SOX6: variants seen among roughly 807,000 people sequenced by gnomAD.
The protein encoded by SOX6 is SRY-box transcription factor 6.
In SOX6, 11 loss-of-function variants were observed where a neutral mutation model predicts 97.8. That is an observed-to-expected ratio of 0.11 (90% CI 0.07 to 0.19). The LOEUF is 0.19. SOX6 is among the 10% of genes least tolerant of loss of function. The pLI is 1.00. For synonymous variants in SOX6, 360 were observed against 371.4 expected, an observed-to-expected ratio of 0.97 and a Z score of 0.35; for missense variants, 810 against 1,039.5, an observed-to-expected ratio of 0.78 and a Z score of 3.04.
At chr11:16,415,597 G>A (rs1858910328) in intron 1 of SOX6, among the ~76,000 whole-genome samples, 1 of 152,080 alleles carries the variant, frequency 6.6e-6, no homozygotes, top group African/African-American at 2.4e-5. Context: ...AAATATTTGA[G>A]GTGATGGATA....
intron 12 of SOX6, among the ~76,000 whole-genome samples, chr11:16,020,413 C>A (rs1855019283): frequency 2.0e-5 from 3 of 152,108 alleles, no homozygotes; most frequent in Admixed American, 2.0e-4. Context: ...TACTTCATGT[C>A]TCTGATTCAA....
At chr11:16,277,002 T>C (rs1854423024) in intron 3 of SOX6, among the ~76,000 whole-genome samples, 1 of 152,152 alleles carries the variant, frequency 6.6e-6, no homozygotes, top group African/African-American at 2.4e-5. Flanking sequence ...ATCTAAGACA[T>C]AAATGCTCAC....
At chr11:16,562,817 T>C (rs1264032368) in intron 4 of SOX6, among the ~76,000 whole-genome samples, 1 of 152,082 alleles carries the variant, frequency 6.6e-6, no homozygotes, top group Non-Finnish European at 1.5e-5. Flanking sequence ...AAGATGTCAG[T>C]GAAGACCACA....
chr11:16,566,074 T>C (rs531719177), intron 4 of SOX6, among the ~76,000 whole-genome samples: 39 of 139,464 alleles, frequency 2.8e-4, no homozygotes, highest in Non-Finnish European at 5.0e-4. Flanking sequence ...CCAGCCTAGG[T>C]GACAGAGCGA....
rs1565186429 is a variant in SOX6 at position 16,583,620 on chromosome 11, T to TATATATATACACACACACAC, written n.609+28460_609+28461insGTGTGTGTGTGTATATATAT. On this transcript the variant is annotated intron_variant and non_coding_transcript_variant, in intron 4 of 5. Transcript: ENST00000524520. ...ATATATGTGTATATATATACATATA[T>TATATATATACACACACACAC]ATATATATATATATATACACATACA... Among the ~76,000 whole-genome samples the TATATATATACACACACACAC allele has an allele frequency of 4.2e-4, 58 of 136,900 alleles. 1 individual carries two copies. The highest frequency in any genetic ancestry group is 7.3e-4 in the African/African-American group (28 of 38,282). 89.8% of individuals were successfully genotyped at this position (136,900 alleles called of 152,430 possible).
intron 15 of SOX6, among the ~76,000 whole-genome samples, chr11:15,982,229 A>G (rs1853677284): frequency 6.6e-6 from 1 of 152,038 alleles, no homozygotes; most frequent in Non-Finnish European, 1.5e-5. Context: ...TTTACATCTC[A>G]GCTCGGCCAT....
chr11:16,138,346 G>A (rs1056050568), intron 6 of SOX6, among the ~76,000 whole-genome samples: 1 of 151,994 alleles, frequency 6.6e-6, no homozygotes, highest in Non-Finnish European at 1.5e-5. Flanking sequence ...TCTAAAAAGA[G>A]CCAGGATTCA....
intron 3 of SOX6, among the ~76,000 whole-genome samples, chr11:16,243,323 A>G (rs905111007): frequency 6.6e-6 from 1 of 151,954 alleles, no homozygotes; most frequent in African/African-American, 2.4e-5. Flanking sequence ...GATCAAGTTT[A>G]TACCACAATA....
chr11:16,008,278 A>T (rs1326357903), intron 13 of SOX6, among the ~76,000 whole-genome samples: 1 of 152,150 alleles, frequency 6.6e-6, no homozygotes, highest in Non-Finnish European at 1.5e-5. Flanking sequence ...TTGAATCTAC[A>T]GATGCAGAAC....
chr11:15,978,234 C>T (rs890617929), intron 15 of SOX6, among the ~76,000 whole-genome samples: 14 of 152,032 alleles, frequency 9.2e-5, no homozygotes, highest in Non-Finnish European at 1.5e-4. Context: ...TCCTTTAAAG[C>T]AAAACTCTTT....
intron 9 of SOX6, among the ~76,000 whole-genome samples, chr11:16,062,966 TAGA>T (rs773304194): frequency 4.1e-4 from 63 of 151,914 alleles, no homozygotes; most frequent in African/African-American, 1.2e-3. Flanking sequence ...GTATTGAAGT[TAGA>T]AGAAGAACTC....
intron 3 of SOX6, among the ~76,000 whole-genome samples, chr11:16,711,377 A>C (rs1489002496): frequency 3.3e-5 from 5 of 151,820 alleles, no homozygotes; most frequent in Non-Finnish European, 1.5e-5. Context: ...AGAAAAAAAA[A>C]TGTTAGCCAG....
chr11:16,307,030 T>A (rs1221226650), intron 3 of SOX6, among the ~76,000 whole-genome samples: 1 of 152,154 alleles, frequency 6.6e-6, no homozygotes, highest in Admixed American at 6.5e-5. Flanking sequence ...AACTAAGGAA[T>A]GTCCAAGTTA....
chr11:16,363,943 T>C (rs1857276864), intron 1 of SOX6, among the ~76,000 whole-genome samples: 1 of 152,088 alleles, frequency 6.6e-6, no homozygotes, highest in Non-Finnish European at 1.5e-5. Flanking sequence ...CCAAGTCTTC[T>C]GACACTTAGC....
chr11:16,041,955 A>G (rs1019366154), intron 12 of SOX6, among the ~76,000 whole-genome samples: 1 of 152,176 alleles, frequency 6.6e-6, no homozygotes, highest in Non-Finnish European at 1.5e-5. Context: ...AGAAAAATTT[A>G]AAAACTAAAC....
In SOX6 at chr11:16,460,991, T is replaced by A. The variant is rs530121629; in HGVS notation, c.-5+15324A>T. ...CAAGGCAATTATATTTTCAAGGATA[T>A]CCTCATTCCTTTAAAACTGTGTCTT... is the stretch of plus-strand genomic sequence containing the variant. On this transcript the variant is annotated intron_variant, in intron 1 of 15. Coordinates refer to the SOX6 transcript ENST00000396356. Among the ~76,000 whole-genome samples the A allele has an allele frequency of 4.0e-4, 61 of 152,262 alleles. No homozygotes were observed. In the Middle Eastern group the frequency reaches 0.01, roughly 25 times the overall value.
intron 1 of SOX6, among the ~76,000 whole-genome samples, chr11:16,400,952 T>C (rs1213658055): frequency 6.6e-6 from 1 of 151,564 alleles, no homozygotes; most frequent in East Asian, 1.9e-4. Flanking sequence ...ATGGCCTTTA[T>C]ATTGATCTAA....
At chr11:16,012,659 AC>A (rs939957158) in intron 13 of SOX6, among the ~76,000 whole-genome samples, 1 of 151,960 alleles carries the variant, frequency 6.6e-6, no homozygotes, top group Non-Finnish European at 1.5e-5. Flanking sequence ...AAATGAAGGG[AC>A]CACGTGTTTC....
intron 2 of SOX6, among the ~76,000 whole-genome samples, chr11:16,323,128 C>A (rs1404367257): frequency 6.6e-6 from 1 of 152,006 alleles, no homozygotes; most frequent in African/African-American, 2.4e-5. Flanking sequence ...TAAAAGTATC[C>A]TAGTCCCAAA....
Sources: allele counts gnomAD v4.1 joint callset (sites outside exome capture counted in the v4.1 genomes callset), GRCh38; gene constraint gnomAD v4.1.1; transcripts MANE v1.5; gene names NCBI Gene and HGNC (gene_info 2026-07-23, HGNC 2026-07-21).